KIAA1549L: variants seen among roughly 807,000 people sequenced by gnomAD.
KIAA1549L encodes the protein KIAA1549 like, also known as UPF0606 protein KIAA1549L.
In KIAA1549L, 88 loss-of-function variants were observed where a neutral mutation model predicts 160.7. That is an observed-to-expected ratio of 0.55 (90% CI 0.46 to 0.65). The LOEUF (loss-of-function observed/expected upper bound fraction) is 0.65. Among genes scored for constraint, KIAA1549L ranks in the 30% least tolerant of loss-of-function variants. The pLI is 0.00. For synonymous variants in KIAA1549L, 950 were observed against 976.7 expected (o/e 0.97, Z 0.51); for missense variants, 2,258 against 2,437.5 (o/e 0.93, Z 1.55).
Position 33,492,835 on chromosome 11 carries a change from G to A in KIAA1549L, c.239-48967G>A, listed in dbSNP as rs771210227. ...TCATCAGATGCATATCAAATCATTC[G>A]GGTAGATCTCAGCGCTGTTTGGAGG... is the stretch of plus-strand genomic sequence containing the variant. On this transcript the variant is annotated intron_variant, in intron 1 of 20. Transcript: ENST00000658780. Among the ~76,000 whole-genome samples the A allele has an allele frequency of 3.9e-5, 6 of 152,018 alleles. No individual in the cohort carries two copies. In the East Asian group the frequency reaches 9.6e-4, roughly 24 times the overall value.
At chr11:33,531,186 CAGAG>C (rs373306856) in intron 1 of KIAA1549L, among the ~76,000 whole-genome samples, 1 of 151,892 alleles carries the variant, frequency 6.6e-6, no homozygotes, top group Non-Finnish European at 1.5e-5. Flanking sequence ...AATGGGGAGG[CAGAG>C]AGGCCAGTTG....
chr11:33,397,591 A>T (rs1308416078), intron 1 of KIAA1549L, among the ~76,000 whole-genome samples: 1 of 151,752 alleles, frequency 6.6e-6, no homozygotes, highest in Non-Finnish European at 1.5e-5. Flanking sequence ...GGGCGCCTGT[A>T]GTCCCAGCTA....
At chr11:33,436,195 C>A (rs190972445) in intron 1 of KIAA1549L, among the ~76,000 whole-genome samples, 88 of 151,996 alleles carry the variant, frequency 5.8e-4, no homozygotes, top group Admixed American at 1.8e-3. Flanking sequence ...AACTGATCCC[C>A]CATAGATACT....
chr11:33,573,585 T>G (rs573500009), intron 9 of KIAA1549L, among the ~76,000 whole-genome samples: 1 of 152,316 alleles, frequency 6.6e-6, no homozygotes, highest in South Asian at 2.1e-4. Flanking sequence ...AACTTTTGAA[T>G]TTTTAGTCTT....
intron 1 of KIAA1549L, among the ~76,000 whole-genome samples, chr11:33,497,210 G>T: frequency 6.6e-6 from 1 of 152,056 alleles, no homozygotes; most frequent in Non-Finnish European, 1.5e-5. Context: ...TGCTGCAAGA[G>T]CAGGAACTTA....
intron 14 of KIAA1549L, among the ~76,000 whole-genome samples, chr11:33,607,551 C>T (rs1274089536): frequency 1.3e-5 from 2 of 152,174 alleles, no homozygotes; most frequent in Admixed American, 6.5e-5. Flanking sequence ...TACATGTGAA[C>T]ATTTACATTA....
At chr11:33,464,761 C>G (rs1322953745) in intron 1 of KIAA1549L, among the ~76,000 whole-genome samples, 1 of 152,100 alleles carries the variant, frequency 6.6e-6, no homozygotes, top group Non-Finnish European at 1.5e-5. Context: ...GTTCCAGGAT[C>G]AAGTCCAGAC....
At chr11:33,584,675 G>C (rs1855754480) in intron 11 of KIAA1549L, among the ~76,000 whole-genome samples, 1 of 152,212 alleles carries the variant, frequency 6.6e-6, no homozygotes, top group African/African-American at 2.4e-5. Flanking sequence ...GTCAGGGAAG[G>C]TTTTATTATC....
intron 1 of KIAA1549L, among the ~76,000 whole-genome samples, chr11:33,431,985 G>A (rs539875992): frequency 2.0e-5 from 3 of 152,352 alleles, no homozygotes; most frequent in East Asian, 3.9e-4. Flanking sequence ...CCACTGGCCC[G>A]GGTGCTAAGT....
chr11:33,392,977 A>G (rs1221272563), intron 1 of KIAA1549L, among the ~76,000 whole-genome samples: 2 of 151,972 alleles, frequency 1.3e-5, no homozygotes, highest in Non-Finnish European at 2.9e-5. Flanking sequence ...TGCATCTCCT[A>G]ATTGTCCCCT....
At chr11:33,386,842 C>A (rs560648726) in intron 1 of KIAA1549L, among the ~76,000 whole-genome samples, 2 of 152,256 alleles carry the variant, frequency 1.3e-5, no homozygotes, top group Admixed American at 1.3e-4. Flanking sequence ...TGCGGTGGCT[C>A]AATCCTGTAA....
Position 33,527,200 on chromosome 11 carries a change from A to G in KIAA1549L, c.239-14602A>G, listed in dbSNP as rs560104672. On this transcript the variant is annotated intron_variant, in intron 1 of 20. Coordinates refer to ENST00000658780, the MANE Select transcript of KIAA1549L (RefSeq NM_012194.3). ...CACAAAAATAATTCGTGTTCCCAAG[A>G]AAGAAGAGAAATCAAAAAGTTTGGA... 4.6e-5 allele frequency among the ~76,000 whole-genome samples: 7 copies of G among 152,334 alleles called. No individual in the cohort carries two copies. In the South Asian group the frequency reaches 1.4e-3, roughly 32 times the overall value.
At chr11:33,602,533 C>T (rs553547327) in intron 13 of KIAA1549L, among the ~76,000 whole-genome samples, 1 of 152,340 alleles carries the variant, frequency 6.6e-6, no homozygotes, top group African/African-American at 2.4e-5. Flanking sequence ...CATGCCAGTT[C>T]AGACATGAAG....
At chr11:33,573,735 T>C (rs1293062884) in intron 9 of KIAA1549L, among the ~76,000 whole-genome samples, 2 of 152,202 alleles carry the variant, frequency 1.3e-5, no homozygotes, top group Non-Finnish European at 2.9e-5. Flanking sequence ...AAAAAGTTGA[T>C]AACCAATGTT....
At chr11:33,420,400 TA>T (rs745786735) in intron 1 of KIAA1549L, among the ~76,000 whole-genome samples, 18 of 152,046 alleles carry the variant, frequency 1.2e-4, no homozygotes, top group Non-Finnish European at 2.1e-4. Context: ...GGATTATTTT[TA>T]TTTTTTGCAG....
At chr11:33,492,741 G>A (rs776391246) in intron 1 of KIAA1549L, among the ~76,000 whole-genome samples, 3 of 152,136 alleles carry the variant, frequency 2.0e-5, no homozygotes, top group Non-Finnish European at 4.4e-5. Flanking sequence ...TCCCAGGCAT[G>A]GGTACAGTGT....
At chr11:33,490,936 A>G (rs779626265) in intron 1 of KIAA1549L, among the ~76,000 whole-genome samples, 1 of 152,242 alleles carries the variant, frequency 6.6e-6, no homozygotes, top group Non-Finnish European at 1.5e-5. Flanking sequence ...TTGCACAGCA[A>G]GAATCTGCTA....
chr11:33,515,102 AG>A (rs1436653437), intron 1 of KIAA1549L, among the ~76,000 whole-genome samples: 1 of 152,170 alleles, frequency 6.6e-6, no homozygotes, highest in African/African-American at 2.4e-5. Context: ...TGACTTCACC[AG>A]GGGGTCGTAT....
chr11:33,432,484 A>C (rs1194124467), intron 1 of KIAA1549L, among the ~76,000 whole-genome samples: 2 of 152,046 alleles, frequency 1.3e-5, no homozygotes, highest in African/African-American at 4.8e-5. Context: ...TAGATTCTGG[A>C]TATTAATTTT....
Sources: allele counts gnomAD v4.1 joint callset (sites outside exome capture counted in the v4.1 genomes callset), GRCh38; gene constraint gnomAD v4.1.1; transcripts MANE v1.5; gene names NCBI Gene and HGNC (gene_info 2026-07-23, HGNC 2026-07-21).